The following CASZ1 variants were observed in gnomAD, a reference collection of about 807,000 sequenced individuals.
CASZ1 encodes the protein zinc finger protein castor homolog 1.
In CASZ1, 28 loss-of-function variants were observed where a neutral mutation model predicts 135.2. The observed-to-expected ratio is 0.21, with a 90% confidence interval of 0.15 to 0.28. The LOEUF (loss-of-function observed/expected upper bound fraction) is 0.28. CASZ1 is among the 10% of genes least tolerant of loss of function. The pLI is 1.00. For missense variants in CASZ1, 2,161 were observed against 2,453.3 expected (o/e 0.88, Z 2.52); for synonymous variants, 1,068 against 1,073.4 (o/e 0.99, Z 0.10).
At chr1:10,708,978 GGGC>G (rs1639230326) in intron 2 of CASZ1, among the ~76,000 whole-genome samples, 1 of 138,428 alleles carries the variant, frequency 7.2e-6, no homozygotes, top group African/African-American at 2.7e-5. Flanking sequence ...GGGAGGGGGG[GGGC>G]CATGGGTGAG....
Position 10,642,915 on chromosome 1 carries a change from G to A in CASZ1, c.4106C>T (p.Ser1369Phe). ...CSPGAMSSES[S>F]TMDRSCSSTP... ...GCTGGAGCAGCTCCGGTCCATGGTG[G>A]ATGACTCAGAGGACATGGCGCCTGG... Residue 1369 changes from serine to phenylalanine, a missense_variant, in exon 20 of 21, where the codon TCC becomes TTC. By Grantham distance (155) the Ser-to-Phe change is radical. This residue lies in a region of CASZ1 where 143 missense variants were observed against 128.3 expected (regional missense o/e 1.11). Coordinates refer to ENST00000377022, the MANE Select transcript of CASZ1 (RefSeq NM_001079843.3). The A allele has an allele frequency of 6.2e-7, 1 of 1,613,090 alleles. No individual in the cohort carries two copies. Among genetic ancestry groups the A allele is most frequent in the Non-Finnish European group, 8.5e-7 (1 of 1,179,974 alleles).
At position 10,700,491 on chromosome 1, in the gene CASZ1, T is replaced by G. The variant is rs909704557; in HGVS notation, c.-24+5001A>C. ...ACGTGTGCTGCTGCCTGAGTCTAGG[T>G]GTTTGGATGGTGTATGTACACGCCT... On this transcript the variant is annotated intron_variant, in intron 3 of 20. Transcript: ENST00000377022. The surrounding 1 kb of genome is among the most constrained non-coding windows in gnomAD (Gnocchi z 4.2). Among the ~76,000 whole-genome samples the G allele has an allele frequency of 6.6e-6, 1 of 152,000 alleles. No homozygotes were observed. Among genetic ancestry groups the G allele is most frequent in the Non-Finnish European group, 1.5e-5 (1 of 67,998 alleles).
intron 2 of CASZ1, among the ~76,000 whole-genome samples, chr1:10,746,064 T>C (rs923520642): frequency 2.0e-5 from 3 of 152,322 alleles, no homozygotes; most frequent in East Asian, 1.9e-4. Flanking sequence ...GTGAAGAAAC[T>C]GGGACAGAGT....
Position 10,697,503 on chromosome 1 carries a change from G to A in CASZ1, c.-23-3591C>T, listed in dbSNP as rs1214870917. Among the ~76,000 whole-genome samples, 2 of 152,090 alleles carry A rather than the reference G, an allele frequency of 1.3e-5. No homozygotes were observed. The highest frequency in any genetic ancestry group is 2.9e-5 in the Non-Finnish European group (2 of 68,014). On this transcript the variant is annotated intron_variant, in intron 3 of 20. Coordinates refer to ENST00000377022, the MANE Select transcript of CASZ1 (RefSeq NM_001079843.3). The surrounding 1 kb of genome is among the most constrained non-coding windows in gnomAD (Gnocchi z 4.7). ...AGAAAAAGAAGTGGAAGGCAACCCA[G>A]CGGTTCCCCCCAACCCAGGCTCCCC...
intron 1 of CASZ1, among the ~76,000 whole-genome samples, chr1:10,779,314 T>C (rs1156690136): frequency 2.1e-5 from 3 of 142,744 alleles, no homozygotes; most frequent in Admixed American, 7.1e-5. Flanking sequence ...CACACTGGCC[T>C]AGGGTTTTGG....
At chr1:10,768,201 TGTTC>T (rs1198339062) in intron 1 of CASZ1, among the ~76,000 whole-genome samples, 4 of 151,620 alleles carry the variant, frequency 2.6e-5, no homozygotes, top group Admixed American at 6.6e-5. Context: ...GGGTCATTAT[TGTTC>T]GTTTGTTTGT....
rs1416900984 is a variant in CASZ1, at chr1:10,665,348, C to T, written c.240G>A (p.Glu80=). 6.2e-7 allele frequency: 1 copy of T among 1,611,830 alleles called. No homozygotes were observed. Among genetic ancestry groups the T allele is most frequent in the Admixed American group, 1.7e-5 (1 of 59,898 alleles). The stretch of plus-strand genomic sequence containing the variant: ...CGATCACTGCCCGTCTCTTGTCTTC[C>T]TCGCTGCGGGGGGCCCGGGCTGCCC... ...ESGAARAPRS[E]EDKRRAVIEK... Residue 80 remains glutamate (E), a synonymous_variant, in exon 5 of 21, where the codon GAG becomes GAA. Transcript: ENST00000377022.
intron 2 of CASZ1, among the ~76,000 whole-genome samples, chr1:10,745,308 A>G (rs1640018411): frequency 6.6e-6 from 1 of 152,212 alleles, no homozygotes; most frequent in Non-Finnish European, 1.5e-5. Context: ...CATCATGCCT[A>G]TAAGACAGAG....
chr1:10,667,206 G>A (rs921463403), intron 4 of CASZ1, among the ~76,000 whole-genome samples: 10 of 152,180 alleles, frequency 6.6e-5, no homozygotes, highest in South Asian at 2.1e-4. Context: ...ACAGATAACC[G>A]TCCCCTGATA....
At chr1:10,685,667 C>T (rs1638562771) in intron 4 of CASZ1, among the ~76,000 whole-genome samples, 1 of 151,930 alleles carries the variant, frequency 6.6e-6, no homozygotes, top group Admixed American at 6.5e-5. Flanking sequence ...GATCCTCAGC[C>T]CCCGGGCACG....
chr1:10,772,381 TC>T (rs1640591907), intron 1 of CASZ1, among the ~76,000 whole-genome samples: 2 of 152,138 alleles, frequency 1.3e-5, no homozygotes. Context: ...CATAGAAACT[TC>T]CCAGCTTCAG....
intron 4 of CASZ1, among the ~76,000 whole-genome samples, chr1:10,682,518 A>G (rs1638458560): frequency 6.6e-6 from 1 of 152,114 alleles, no homozygotes; most frequent in South Asian, 2.1e-4. Context: ...AGAGGGAGCG[A>G]GGTCTATTAA....
intron 2 of CASZ1, among the ~76,000 whole-genome samples, chr1:10,749,328 G>A (rs988082181): frequency 6.6e-6 from 1 of 151,658 alleles, no homozygotes; most frequent in African/African-American, 2.4e-5. Context: ...GCTCACTGCA[G>A]CCTCCACTTC....
intron 2 of CASZ1, among the ~76,000 whole-genome samples, chr1:10,748,318 G>A (rs1279685410): frequency 1.3e-5 from 2 of 152,110 alleles, no homozygotes; most frequent in East Asian, 1.9e-4. Flanking sequence ...TGTATATACC[G>A]TGTTCTTCAC....
intron 2 of CASZ1, among the ~76,000 whole-genome samples, chr1:10,731,963 GAATT>G (rs1338414352): frequency 1.3e-5 from 2 of 152,072 alleles, no homozygotes; most frequent in Non-Finnish European, 2.9e-5. Context: ...TTTTTTAAAT[GAATT>G]AATAAATAAT....
chr1:10,713,690 C>T (rs1311922567), intron 2 of CASZ1, among the ~76,000 whole-genome samples: 2 of 152,254 alleles, frequency 1.3e-5, no homozygotes, highest in African/African-American at 4.8e-5. Flanking sequence ...AAGGCCATCT[C>T]TAAGTCCCCT....
chr1:10,795,456 C>G (rs1641046525), intron 1 of CASZ1, among the ~76,000 whole-genome samples: 1 of 152,172 alleles, frequency 6.6e-6, no homozygotes. Flanking sequence ...CCTGGGGGAA[C>G]AGACCCCGAC....
chr1:10,787,369 G>A (rs931356698), intron 1 of CASZ1, among the ~76,000 whole-genome samples: 5 of 152,154 alleles, frequency 3.3e-5, no homozygotes, highest in East Asian at 3.9e-4. Flanking sequence ...CCCGTCCCCC[G>A]ATCCCCAGCC....
chr1:10,682,981 T>C (rs1638476105), intron 4 of CASZ1, among the ~76,000 whole-genome samples: 1 of 152,248 alleles, frequency 6.6e-6, no homozygotes, highest in Admixed American at 6.5e-5. Flanking sequence ...CTCGGTCCTC[T>C]AACTCTGCGG....
Sources: gnomAD v4.1 joint callset for allele counts (sites outside exome capture counted in the v4.1 genomes callset) on GRCh38, gnomAD v4.1.1 for gene constraint, gnomAD v4.1.1 regional missense constraint, Gnocchi (gnomAD v3.1) non-coding constraint, MANE v1.5 for transcripts, NCBI Gene and HGNC (gene_info 2026-07-23, HGNC 2026-07-21) for gene names.